GRIP1: variants seen among roughly 807,000 people sequenced by gnomAD.
The protein encoded by GRIP1 is glutamate receptor interacting protein 1.
A neutral mutation model predicts 129.9 loss-of-function variants in GRIP1; 45 were observed. The ratio of observed to expected loss-of-function variants is 0.35; its 90% confidence interval spans 0.27 to 0.44. The LOEUF is 0.44. Ranked by LOEUF, GRIP1 falls within the 20% of genes least tolerant of loss-of-function variation. GRIP1 has a pLI of 1.00. For synonymous variants in GRIP1, 530 were observed against 520.8 expected (o/e 1.02, Z -0.24); for missense variants, 1,196 against 1,396.8 (o/e 0.86, Z 2.29).
At chr12:66,990,117 AT>A (rs1208241461) in intron 1 of GRIP1, among the ~76,000 whole-genome samples, 1 of 152,228 alleles carries the variant, frequency 6.6e-6, no homozygotes, top group East Asian at 1.9e-4. Context: ...ACTGTCTCAA[AT>A]TCCAAAAAGT....
intron 1 of GRIP1, among the ~76,000 whole-genome samples, chr12:66,772,066 T>G (rs1387782132): frequency 6.6e-6 from 1 of 152,250 alleles, no homozygotes; most frequent in East Asian, 1.9e-4. Flanking sequence ...TACATGGTTA[T>G]CTCATTTGGT....
chr12:66,942,201 T>C (rs574822308), intron 1 of GRIP1, among the ~76,000 whole-genome samples: 58 of 152,336 alleles, frequency 3.8e-4, no homozygotes, highest in African/African-American at 1.4e-3. Flanking sequence ...CCAAGCTAGT[T>C]GTGGCTGCCA....
chr12:66,940,077 C>A (rs1039996954), intron 1 of GRIP1, among the ~76,000 whole-genome samples: 2 of 151,450 alleles, frequency 1.3e-5, no homozygotes, highest in Non-Finnish European at 2.9e-5. Flanking sequence ...ACTATGTATA[C>A]CTTTTGGGTT....
At chr12:66,986,631 G>A (rs1236039948) in intron 1 of GRIP1, among the ~76,000 whole-genome samples, 1 of 139,786 alleles carries the variant, frequency 7.2e-6, no homozygotes, top group Non-Finnish European at 1.5e-5. Flanking sequence ...TGAACAGTGA[G>A]AACACACGGA....
intron 1 of GRIP1, among the ~76,000 whole-genome samples, chr12:66,866,068 T>C (rs924447635): frequency 6.6e-5 from 10 of 152,292 alleles, no homozygotes; most frequent in Non-Finnish European, 1.5e-4. Context: ...GCGACTTTTA[T>C]TGATGTCCCC....
intron 7 of GRIP1, among the ~76,000 whole-genome samples, chr12:66,476,216 C>T (rs900934570): frequency 1.3e-5 from 2 of 152,034 alleles, no homozygotes; most frequent in Non-Finnish European, 2.9e-5. Flanking sequence ...TACAAAGTAC[C>T]ATCAGAGAAT....
chr12:66,478,138 G>T (rs1424493334), intron 7 of GRIP1, among the ~76,000 whole-genome samples: 1 of 152,120 alleles, frequency 6.6e-6, no homozygotes, highest in Non-Finnish European at 1.5e-5. Context: ...ATCTGACAAA[G>T]GGCTAATATC....
chr12:66,369,482 T>C (rs1214611472), intron 23 of GRIP1, among the ~76,000 whole-genome samples: 1 of 152,118 alleles, frequency 6.6e-6, no homozygotes, highest in East Asian at 1.9e-4. Context: ...TTTGTATTCC[T>C]GGGCTATCAA....
intron 7 of GRIP1, among the ~76,000 whole-genome samples, chr12:66,477,542 T>C (rs1300371207): frequency 6.6e-6 from 1 of 151,900 alleles, no homozygotes. Flanking sequence ...AAAGTTCATA[T>C]GGAACCAAAA....
chr12:66,380,415 G>A (rs539672220), intron 19 of GRIP1, among the ~76,000 whole-genome samples: 9 of 152,262 alleles, frequency 5.9e-5, no homozygotes, highest in African/African-American at 2.2e-4. Context: ...GAAGGGCAAC[G>A]GATGTCAGGG....
intron 1 of GRIP1, among the ~76,000 whole-genome samples, chr12:66,943,481 A>G (rs2041620161): frequency 6.6e-6 from 1 of 152,264 alleles, no homozygotes; most frequent in South Asian, 2.1e-4. Flanking sequence ...TAGGCATTAA[A>G]GACATCCTTA....
At chr12:66,716,825 C>A (rs142123919) in intron 1 of GRIP1, among the ~76,000 whole-genome samples, 25 of 152,036 alleles carry the variant, frequency 1.6e-4, no homozygotes, top group Non-Finnish European at 3.7e-4. Context: ...TTTTGAAACA[C>A]TTTAATTTTT....
At chr12:66,506,964 T>C (rs749166971) in intron 7 of GRIP1, among the ~76,000 whole-genome samples, 1 of 152,248 alleles carries the variant, frequency 6.6e-6, no homozygotes, top group Non-Finnish European at 1.5e-5. Context: ...AATACCATTG[T>C]CATTTAAAAC....
chr12:66,856,111 A>G (rs1267170441), intron 1 of GRIP1, among the ~76,000 whole-genome samples: 3 of 152,132 alleles, frequency 2.0e-5, no homozygotes, highest in African/African-American at 7.2e-5. Context: ...GACAAAAACA[A>G]GAAATGGGGA....
chr12:66,525,911 T>C (rs530053407), intron 5 of GRIP1, among the ~76,000 whole-genome samples: 1 of 152,064 alleles, frequency 6.6e-6, no homozygotes, highest in South Asian at 2.1e-4. Flanking sequence ...AGCCAAATCA[T>C]GAGTTAACTC....
chr12:66,447,913 T>C lies in GRIP1; in HGVS notation c.1355-2405A>G, dbSNP rs943511395. 6.6e-5 allele frequency among the ~76,000 whole-genome samples: 10 copies of C among 152,350 alleles called. No homozygotes were observed. The East Asian group carries it at 1.2e-3, about 18-fold the overall frequency. ...GACTGGCTTTAGGACCATCCCTTGCTTTCTAAAATTGTTTGCTTGGTTTTG... is the reference window on the plus strand; with the variant it reads ...GACTGGCTTTAGGACCATCCCTTGCCTTCTAAAATTGTTTGCTTGGTTTTG... On this transcript the variant is annotated intron_variant, in intron 11 of 24. Transcript: ENST00000359742.
chr12:66,518,204 G>T (rs2060901498), intron 5 of GRIP1, among the ~76,000 whole-genome samples: 1 of 152,012 alleles, frequency 6.6e-6, no homozygotes, highest in Admixed American at 6.6e-5. Context: ...CTGTAACCAG[G>T]TAATATATAA....
chr12:66,741,530 T>A (rs1485100718), intron 1 of GRIP1, among the ~76,000 whole-genome samples: 1 of 152,240 alleles, frequency 6.6e-6, no homozygotes, highest in Non-Finnish European at 1.5e-5. Context: ...GTAGAAATAT[T>A]ATGTGTGTCA....
chr12:66,526,574 C>A (rs1277148140), intron 5 of GRIP1, among the ~76,000 whole-genome samples: 1 of 152,136 alleles, frequency 6.6e-6, no homozygotes, highest in Non-Finnish European at 1.5e-5. Flanking sequence ...ACAATAAAAA[C>A]CCTAGAAGAA....
Sources: gnomAD v4.1 joint callset for allele counts (sites outside exome capture counted in the v4.1 genomes callset) on GRCh38, gnomAD v4.1.1 for gene constraint, MANE v1.5 for transcripts, NCBI Gene and HGNC (gene_info 2026-07-23, HGNC 2026-07-21) for gene names.